CFAP299: variants seen among roughly 807,000 people sequenced by gnomAD.
The protein encoded by CFAP299 is cilia and flagella associated protein 299.
Under a neutral mutation model 27.0 loss-of-function variants are expected in CFAP299, and 21 were observed. That is an observed-to-expected ratio of 0.78 (90% CI 0.55 to 1.12). The LOEUF (loss-of-function observed/expected upper bound fraction) is 1.12, where lower values mean the gene tolerates loss of function less well. Among genes scored for constraint, CFAP299 ranks in the 50% most tolerant of loss-of-function variants. CFAP299 has a pLI of 0.00. For missense variants in CFAP299, 310 were observed against 276.6 expected, an observed-to-expected ratio of 1.12 and a Z score of -0.86; for synonymous variants, 104 against 98.1, an observed-to-expected ratio of 1.06 and a Z score of -0.36.
intron 2 of CFAP299, among the ~76,000 whole-genome samples, chr4:80,483,198 G>A (rs1323102974): frequency 6.6e-6 from 1 of 152,202 alleles, no homozygotes; most frequent in Non-Finnish European, 1.5e-5. Context: ...GGCTTTGAGG[G>A]CTGAAGGGAG....
chr4:80,799,079 C>A (rs1434382033), intron 3 of CFAP299, among the ~76,000 whole-genome samples: 1 of 141,982 alleles, frequency 7.0e-6, no homozygotes, highest in Non-Finnish European at 1.5e-5. Context: ...AGGAACAGAA[C>A]TAATAGTGTG....
At chr4:80,486,763 AG>A (rs1220675356) in intron 2 of CFAP299, among the ~76,000 whole-genome samples, 3 of 152,290 alleles carry the variant, frequency 2.0e-5, no homozygotes, top group Middle Eastern at 3.4e-3. Flanking sequence ...TAGCTCTAAA[AG>A]TTTTTTGAGT....
chr4:80,758,657 T>C (rs981548806), intron 3 of CFAP299, among the ~76,000 whole-genome samples: 1 of 152,100 alleles, frequency 6.6e-6, no homozygotes, highest in Admixed American at 6.6e-5. Flanking sequence ...ATAAGAACCA[T>C]AGAGGATAAT....
At chr4:80,514,285 G>C (rs994947265) in intron 2 of CFAP299, among the ~76,000 whole-genome samples, 10 of 151,990 alleles carry the variant, frequency 6.6e-5, no homozygotes, top group Non-Finnish European at 8.8e-5. Flanking sequence ...CATCTTAAGG[G>C]ATCGATATTG....
the CFAP299 span, among the ~76,000 whole-genome samples, chr4:80,327,100 G>A: frequency 6.6e-6 from 1 of 152,248 alleles, no homozygotes; most frequent in East Asian, 1.9e-4. Flanking sequence ...TGACTAGTAT[G>A]ACGCAGTGGA....
At chr4:80,765,436 C>G (rs1725803158) in intron 3 of CFAP299, among the ~76,000 whole-genome samples, 1 of 151,924 alleles carries the variant, frequency 6.6e-6, no homozygotes, top group South Asian at 2.1e-4. Flanking sequence ...AACAATGCTA[C>G]TAAGGATGAG....
intron 2 of CFAP299, among the ~76,000 whole-genome samples, chr4:80,364,887 T>C (rs1018327042): frequency 1.3e-5 from 2 of 152,224 alleles, no homozygotes; most frequent in Admixed American, 6.5e-5. Context: ...GTAAGTTTGC[T>C]GAGGAAAACG....
At chr4:80,399,403 G>T (rs1450182840) in intron 2 of CFAP299, among the ~76,000 whole-genome samples, 1 of 152,082 alleles carries the variant, frequency 6.6e-6, no homozygotes. Context: ...TATGTTTATT[G>T]CAGCACTATT....
Position 80,489,104 on chromosome 4 carries a change from C to G in CFAP299, c.243-93989C>G, listed in dbSNP as rs147778003. 2.5e-3 allele frequency among the ~76,000 whole-genome samples: 377 copies of G among 151,622 alleles called. 3 individuals are homozygous for G. Among genetic ancestry groups the G allele is most frequent in the African/African-American group, 8.4e-3 (345 of 41,228 alleles). ...CTTAAAGGAACCAAGGTGGTTGTGT[C>G]CTCTCTGAATTTTTTTTTCTACTTT... On this transcript the variant is annotated intron_variant, in intron 2 of 5. Coordinates refer to ENST00000358105, the MANE Select transcript of CFAP299 (RefSeq NM_152770.3).
chr4:80,657,681 T>C (rs1740631894), intron 3 of CFAP299, among the ~76,000 whole-genome samples: 2 of 152,198 alleles, frequency 1.3e-5, no homozygotes, highest in Non-Finnish European at 2.9e-5. Flanking sequence ...AGCTTTGTCC[T>C]TTTTGCTTAG....
At chr4:80,766,638 G>C (rs528269041) in intron 3 of CFAP299, among the ~76,000 whole-genome samples, 1 of 152,012 alleles carries the variant, frequency 6.6e-6, no homozygotes, top group Non-Finnish European at 1.5e-5. Flanking sequence ...CAGGCCTTTT[G>C]ACTCCACTTC....
the CFAP299 span, among the ~76,000 whole-genome samples, chr4:80,322,868 C>A: frequency 7.9e-5 from 12 of 152,154 alleles, no homozygotes; most frequent in Non-Finnish European, 1.6e-4. Flanking sequence ...TGAAGTTGAT[C>A]CTGCAGGGCA....
intron 1 of CFAP299, among the ~76,000 whole-genome samples, chr4:80,357,014 A>G (rs193042446): frequency 7.9e-5 from 12 of 152,272 alleles, no homozygotes; most frequent in African/African-American, 2.9e-4. Context: ...TGTTCCTTCA[A>G]TACCTGGTTT....
chr4:80,799,218 T>C (rs1260699501), intron 3 of CFAP299, among the ~76,000 whole-genome samples: 1 of 118,596 alleles, frequency 8.4e-6, no homozygotes, highest in Non-Finnish European at 1.6e-5. Flanking sequence ...ATATATTGTA[T>C]AAATATATTT....
chr4:80,359,191 G>C (rs925724942), intron 1 of CFAP299, among the ~76,000 whole-genome samples: 1 of 152,128 alleles, frequency 6.6e-6, no homozygotes, highest in Non-Finnish European at 1.5e-5. Flanking sequence ...AAGGTCTGCT[G>C]TTAGTCTGAT....
At chr4:80,578,947 G>A (rs1450831155) in intron 2 of CFAP299, among the ~76,000 whole-genome samples, 4 of 152,290 alleles carry the variant, frequency 2.6e-5, no homozygotes, top group African/African-American at 7.2e-5. Context: ...TGATCACCAA[G>A]CCAATCGCAC....
At chr4:80,762,661 C>T (rs559026725) in intron 3 of CFAP299, among the ~76,000 whole-genome samples, 1 of 152,204 alleles carries the variant, frequency 6.6e-6, no homozygotes. Flanking sequence ...ATATCCCCTT[C>T]CAGGAATAAA....
chr4:80,763,078 G>C (rs750420809), intron 3 of CFAP299, among the ~76,000 whole-genome samples: 1 of 152,004 alleles, frequency 6.6e-6, no homozygotes, highest in Non-Finnish European at 1.5e-5. Flanking sequence ...CTCTGTAAAA[G>C]AGTGAGCTAG....
intron 2 of CFAP299, among the ~76,000 whole-genome samples, chr4:80,460,254 A>G (rs966443542): frequency 6.6e-6 from 1 of 152,092 alleles, no homozygotes; most frequent in Non-Finnish European, 1.5e-5. Flanking sequence ...AGTTTGGGGT[A>G]GGAGGGGTAG....
Sources: allele counts gnomAD v4.1 joint callset (sites outside exome capture counted in the v4.1 genomes callset), GRCh38; gene constraint gnomAD v4.1.1; transcripts MANE v1.5; gene names NCBI Gene and HGNC (gene_info 2026-07-23, HGNC 2026-07-21).